Variants in NUP35 observed in about 807,000 individuals in gnomAD.
The protein encoded by NUP35 is nucleoporin 35.
NUP35 carries 25 observed loss-of-function variants against 41.5 expected under a neutral mutation model. The observed-to-expected ratio is 0.60, with a 90% confidence interval of 0.44 to 0.84. NUP35 has a LOEUF of 0.84. Among genes scored for constraint, NUP35 ranks in the 40% least tolerant of loss-of-function variants. The pLI, the probability that NUP35 is intolerant of heterozygous loss-of-function variation, is 0.00. For missense variants in NUP35, 396 were observed against 396.6 expected (o/e 1.00, Z 0.01); for synonymous variants, 149 against 130.7 (o/e 1.14, Z -0.96).
At chr2:183,120,480 GGT>G (rs1448826933), upstream of NUP35, among the ~76,000 whole-genome samples, 3 of 151,402 alleles carry the variant, frequency 2.0e-5, no homozygotes, top group Non-Finnish European at 4.4e-5. Context: ...TTTGGCTACT[GGT>G]GTGTTAGGCT....
At chr2:183,138,146 G>C (rs6434004) in intron 4 of NUP35, among the ~76,000 whole-genome samples, 49,451 of 150,422 alleles carry the variant, frequency 0.33, 8,620 homozygotes, top group Middle Eastern at 0.46. Flanking sequence ...AAGATGACAA[G>C]GTGTGGAGAC....
At position 183,158,399 on chromosome 2, in the gene NUP35, A is replaced by G; in HGVS notation, c.726A>G (p.Pro242=). 1.3e-6 allele frequency: 2 copies of G among 1,598,430 alleles called. No individual in the cohort carries two copies. Among genetic ancestry groups the G allele is most frequent in the Non-Finnish European group, 1.7e-6 (2 of 1,171,100 alleles). Residue 242 remains proline, a synonymous_variant, in exon 7 of 9, where the codon CCA becomes CCG. Transcript: ENST00000295119. ...AATCCATCATGATTGGTGTAAAACCATGTATTGACAAAGTAAGTTATTGGT... is the reference window on the plus strand; with the variant it reads ...AATCCATCATGATTGGTGTAAAACCGTGTATTGACAAAGTAAGTTATTGGT... The part of the protein sequence containing the change: ...FGESIMIGVK[P]CIDKSVMESS...
Position 183,150,140 on chromosome 2 carries a change from C to T in NUP35, c.398-1368C>T, listed in dbSNP as rs568340128. On this transcript the variant is annotated intron_variant, in intron 4 of 8. Transcript: ENST00000295119. ...CAAGCCAGTCACAAACTCCTGACGT[C>T]ATGATCCGCTCGCCTTGGCCTCCCA... Among the ~76,000 whole-genome samples the T allele has an allele frequency of 9.1e-4, 138 of 152,282 alleles. 2 individuals carry two copies. Among genetic ancestry groups the T allele is most frequent in the Admixed American group, 2.4e-3 (37 of 15,298 alleles).
rs1685203181 is a variant in NUP35 at position 183,144,361 on chromosome 2, C to T, written c.398-7147C>T. 2.6e-5 allele frequency among the ~76,000 whole-genome samples: 4 copies of T among 152,204 alleles called. No individual in the cohort carries two copies. The South Asian group carries it at 8.3e-4, about 31-fold the overall frequency. On this transcript the variant is annotated intron_variant, in intron 4 of 8. Coordinates refer to ENST00000295119, the MANE Select transcript of NUP35 (RefSeq NM_138285.5). ...CAGGTGGTTGAGTTCAGTCTCCAGT[C>T]TTCCTCCTCTTGTTGAGCAGAGACC...
intron 4 of NUP35, among the ~76,000 whole-genome samples, chr2:183,140,822 C>CAAAAA (rs34256493): frequency 1.1e-5 from 1 of 89,544 alleles, no homozygotes; most frequent in Non-Finnish European, 2.2e-5. Context: ...AAACTCCATT[C>CAAAAA]AAAAAAAAAA....
intron 4 of NUP35, among the ~76,000 whole-genome samples, chr2:183,134,845 C>T (rs1376995054): frequency 2.0e-5 from 3 of 150,852 alleles, no homozygotes; most frequent in South Asian, 2.1e-4. Flanking sequence ...AGGCTGGTCT[C>T]GAACTCCTGA....
chr2:183,124,033 C>A (rs1575109432), upstream of NUP35, among the ~76,000 whole-genome samples: 2 of 152,214 alleles, frequency 1.3e-5, no homozygotes, highest in South Asian at 4.1e-4. Flanking sequence ...GTCCAGAAAT[C>A]GACATTGCAA....
chr2:183,154,232 GACA>G (rs1685571923), intron 5 of NUP35, among the ~76,000 whole-genome samples: 2 of 152,162 alleles, frequency 1.3e-5, no homozygotes, highest in African/African-American at 4.8e-5. Flanking sequence ...ATGCCCTAGA[GACA>G]TTTTCCCCAT....
chr2:183,125,616 A>G (rs1684438223), intron 1 of NUP35, among the ~76,000 whole-genome samples: 1 of 152,198 alleles, frequency 6.6e-6, no homozygotes, highest in Non-Finnish European at 1.5e-5. Flanking sequence ...TTTATTTTTA[A>G]TGTATTTTAG....
chr2:183,147,116 G>A (rs542026626), intron 4 of NUP35, among the ~76,000 whole-genome samples: 2 of 152,136 alleles, frequency 1.3e-5, no homozygotes, highest in African/African-American at 2.4e-5. Flanking sequence ...TTTGTTGGAT[G>A]CATACTTTGC....
intron 4 of NUP35, among the ~76,000 whole-genome samples, chr2:183,138,787 A>AATG (rs1396045023): frequency 1.8e-5 from 2 of 108,828 alleles, no homozygotes; most frequent in African/African-American, 9.6e-5. Flanking sequence ...AATTAACTAG[A>AATG]ATCATTTGTG....
chr2:183,152,996 A>G (rs1015009976), intron 5 of NUP35, among the ~76,000 whole-genome samples: 1 of 152,222 alleles, frequency 6.6e-6, no homozygotes, highest in Admixed American at 6.5e-5. Flanking sequence ...AGGCCTCAGA[A>G]TCATGGTGGG....
At chr2:183,154,222 A>C (rs1304243806) in intron 5 of NUP35, among the ~76,000 whole-genome samples, 1 of 152,182 alleles carries the variant, frequency 6.6e-6, no homozygotes, top group Non-Finnish European at 1.5e-5. Flanking sequence ...GGGCTCTGAC[A>C]TGCCCTAGAG....
rs3748884 is a variant in NUP35, at chr2:183,159,462, A to G, written c.739-26A>G. ...ATGATATGTATTATGTTTATAAACA[A>G]AGGAGTTATTTCTTTGTTTCTCCAG... On this transcript the variant is annotated intron_variant, in intron 7 of 8. Coordinates refer to ENST00000295119, the MANE Select transcript of NUP35 (RefSeq NM_138285.5). 275,640 of 1,588,372 alleles carry G rather than the reference A, an allele frequency of 0.17. 25,654 individuals carry two copies. The highest frequency in any genetic ancestry group is 0.34 in the African/African-American group (25,132 of 73,988).
At chr2:183,124,382 T>A (rs1700114871), upstream of NUP35, 12 of 1,613,274 alleles carry the variant, frequency 7.4e-6, 1 homozygote, top group Admixed American at 1.5e-4. Flanking sequence ...AGCACGCCGT[T>A]ACCCGTGGGG....
At chr2:183,132,143 C>T (rs1366886700) in intron 3 of NUP35, among the ~76,000 whole-genome samples, 3 of 152,094 alleles carry the variant, frequency 2.0e-5, no homozygotes, top group African/African-American at 7.2e-5. Flanking sequence ...CCCACCTCTT[C>T]TCCCTAGTAG....
chr2:183,157,655 C>G (rs1685719083), intron 6 of NUP35, 142 bp downstream of exon 6: 1 of 597,254 alleles, frequency 1.7e-6, no homozygotes, highest in African/African-American at 1.9e-5. Flanking sequence ...CCTTTGAAGT[C>G]TGGAAGGCTG....
At chr2:183,149,356 A>G (rs1177675989) in intron 4 of NUP35, among the ~76,000 whole-genome samples, 1 of 152,254 alleles carries the variant, frequency 6.6e-6, no homozygotes, top group Non-Finnish European at 1.5e-5. Flanking sequence ...GCTATTTCAT[A>G]TAAACATAAT....
At chr2:183,151,454 G>C in intron 4 of NUP35, 54 bp from the exon 5 acceptor site, 3 of 1,531,468 alleles carry the variant, frequency 2.0e-6, no homozygotes, top group South Asian at 2.4e-5. Context: ...TTTTGATTTA[G>C]AATCAATCGA....
Sources: allele counts gnomAD v4.1 joint callset (sites outside exome capture counted in the v4.1 genomes callset), GRCh38; gene constraint gnomAD v4.1.1; transcripts MANE v1.5; gene names NCBI Gene and HGNC (gene_info 2026-07-23, HGNC 2026-07-21).